Variants in NPFFR1 observed in about 807,000 individuals in gnomAD.
NPFFR1 encodes neuropeptide FF receptor 1.
NPFFR1 carries 17 observed loss-of-function variants against 12.7 expected under a neutral mutation model. That is an observed-to-expected ratio of 1.34 (90% CI 0.92 to 2.01). The LOEUF (loss-of-function observed/expected upper bound fraction) is 2.01, where lower values mean the gene tolerates loss of function less well. NPFFR1 is among the 30% of genes most tolerant of loss of function. The probability of loss-of-function intolerance (pLI) is 0.00; values close to 1 mark genes in which losing one functional copy is unlikely to be tolerated. For missense variants in NPFFR1, 604 were observed against 606.5 expected, an observed-to-expected ratio of 1.00 and a Z score of 0.04; for synonymous variants, 296 against 264.5, an observed-to-expected ratio of 1.12 and a Z score of -1.16.
Position 70,248,467 on chromosome 10 carries a change from G to GTTTTTTGT in NPFFR1, c.*6489_*6490insACAAAAAA, listed in dbSNP as rs1840473486. The GTTTTTTGT allele has an allele frequency of 1.0e-5, 1 of 96,742 alleles. No individual in the cohort carries two copies. The highest frequency in any genetic ancestry group is 4.0e-5 in the African/African-American group (1 of 24,706). The allele number at this position is 96,742 out of a possible 1,614,324, so 6.0% of individuals were successfully genotyped here. A position where few individuals can be genotyped will look rare whatever the true frequency, so the allele number is the denominator to read the frequency against. On this transcript the variant is annotated 3_prime_UTR_variant, in exon 4 of 4. Coordinates refer to ENST00000277942, the MANE Select transcript of NPFFR1 (RefSeq NM_022146.5). ...CAAAGTACGTAGTACTATGCCTGGC[G>GTTTTTTGT]TTTTTTTTTTGTTTTTTGTTTTTTT...
At chr10:70,275,927 G>A (rs1008955274) in intron 1 of NPFFR1, among the ~76,000 whole-genome samples, 13 of 152,146 alleles carry the variant, frequency 8.5e-5, no homozygotes, top group Admixed American at 8.5e-4. Flanking sequence ...TGCAGTAGTG[G>A]TAGACCTCCA....
At position 70,251,945 on chromosome 10, in the gene NPFFR1, G is replaced by A. The variant is rs1409030940; in HGVS notation, c.*3012C>T. 6.6e-6 allele frequency: 1 copy of A among 152,222 alleles called. No homozygotes were observed. Among genetic ancestry groups the A allele is most frequent in the Non-Finnish European group, 1.5e-5 (1 of 68,048 alleles). The allele number at this position is 152,222 out of a possible 1,614,324, so 9.4% of individuals were successfully genotyped here. Reference sequence around the variant, plus strand: ...GCAGCTGGGGTGGGCACAGGGAAGTGAGACACATCACAGCTGTCCTGGAAG... The same window carrying A: ...GCAGCTGGGGTGGGCACAGGGAAGTAAGACACATCACAGCTGTCCTGGAAG... On this transcript the variant is annotated 3_prime_UTR_variant, in exon 4 of 4. Coordinates refer to ENST00000277942, the MANE Select transcript of NPFFR1 (RefSeq NM_022146.5).
chr10:70,281,439 A>T (rs905420846), intron 1 of NPFFR1, among the ~76,000 whole-genome samples: 21 of 150,396 alleles, frequency 1.4e-4, no homozygotes, highest in African/African-American at 4.9e-4. Flanking sequence ...TCTTCATCTC[A>T]CTCTCCTCAT....
intron 1 of NPFFR1, among the ~76,000 whole-genome samples, chr10:70,283,327 CTA>C (rs1487045189): frequency 1.3e-5 from 2 of 151,668 alleles, no homozygotes; most frequent in Non-Finnish European, 2.9e-5. Flanking sequence ...GTGTCTGTCT[CTA>C]TGTCTCTGTC....
chr10:70,251,691 C>G lies in NPFFR1; in HGVS notation c.*3266G>C, dbSNP rs1840513461. On this transcript the variant is annotated 3_prime_UTR_variant, in exon 4 of 4. Coordinates refer to ENST00000277942, the MANE Select transcript of NPFFR1 (RefSeq NM_022146.5). ...TGAAAGGGCAGTCACCTTAGGAAAC[C>G]CAGCCAACCTGGAGGTGGAGGATGG... 1 of 152,252 alleles carries G rather than the reference C, an allele frequency of 6.6e-6. No homozygotes were observed. Among genetic ancestry groups the G allele is most frequent in the South Asian group, 2.1e-4 (1 of 4,828 alleles). 9.4% of individuals were successfully genotyped at this position (152,252 alleles called of 1,614,324 possible). A position where few individuals can be genotyped will look rare whatever the true frequency, so the allele number is the denominator to read the frequency against.
In NPFFR1 at chr10:70,254,124, C is replaced by T. The variant is rs41348750; in HGVS notation, c.*833G>A. ...TCCCCTTCCTCGTTGTCTATGAGTA[C>T]GTAAAAGGACACCTCCTGTGGCCCT... On this transcript the variant is annotated 3_prime_UTR_variant, in exon 4 of 4. Transcript: ENST00000277942. 0.065 allele frequency: 9,961 copies of T among 152,220 alleles called. 550 individuals carry two copies. The highest frequency in any genetic ancestry group is 0.16 in the African/African-American group (6,503 of 41,480). 9.4% of individuals were successfully genotyped at this position (152,220 alleles called of 1,614,324 possible). A position where few individuals can be genotyped will look rare whatever the true frequency, so the allele number is the denominator to read the frequency against.
rs373079902 is a variant in NPFFR1, at chr10:70,267,815, G to T, written c.8-1424C>A. 2.6e-5 allele frequency among the ~76,000 whole-genome samples: 4 copies of T among 152,290 alleles called. No homozygotes were observed. The South Asian group carries it at 8.3e-4, about 32-fold the overall frequency. On this transcript the variant is annotated intron_variant, in intron 1 of 3. Transcript: ENST00000277942. ...GGTTAGAGACCCTCAGAGGAGCAGG[G>T]CCAGCGAGCTGGCATCATCAGGGCT...
intron 1 of NPFFR1, among the ~76,000 whole-genome samples, chr10:70,281,729 A>G (rs755262897): frequency 5.9e-5 from 9 of 152,212 alleles, no homozygotes; most frequent in Non-Finnish European, 1.2e-4. Flanking sequence ...TCCTAAGCAC[A>G]GTTTTTAATG....
intron 3 of NPFFR1, among the ~76,000 whole-genome samples, chr10:70,258,443 C>T (rs1323658431): frequency 1.3e-5 from 2 of 152,284 alleles, no homozygotes; most frequent in African/African-American, 4.8e-5. Context: ...GGGCAGATGC[C>T]TTGACTTTTC....
chr10:70,269,274 G>A (rs536961753), intron 1 of NPFFR1, among the ~76,000 whole-genome samples: 2 of 150,170 alleles, frequency 1.3e-5, no homozygotes, highest in Non-Finnish European at 3.0e-5. Context: ...CTCCCGCCTC[G>A]GCCTCCTGAG....
At chr10:70,283,327 C>T (rs902872264) in intron 1 of NPFFR1, among the ~76,000 whole-genome samples, 1 of 151,668 alleles carries the variant, frequency 6.6e-6, no homozygotes, top group African/African-American at 2.4e-5. Flanking sequence ...GTGTCTGTCT[C>T]TATGTCTCTG....
At chr10:70,275,591 T>C (rs1430343251) in intron 1 of NPFFR1, among the ~76,000 whole-genome samples, 1 of 152,162 alleles carries the variant, frequency 6.6e-6, no homozygotes, top group Non-Finnish European at 1.5e-5. Context: ...TAGAGATTTT[T>C]TTTTTCTTTT....
chr10:70,255,061 C>T lies in NPFFR1; in HGVS notation c.1189G>A (p.Gly397Ser). ...CGCCCATTCCGCAGCGGGAGGCGGC[C>T]GGGCCTGGGGGCCCCACTGCTAGGG... ...SGPSSGAPRP[G>S]RLPLRNGRVA... is the part of the protein sequence containing the mutation. Residue 397 changes from glycine (G) to serine (S), a missense_variant, in exon 4 of 4, where the codon GGC (glycine) becomes AGC (serine). By Grantham distance (56) the Gly-to-Ser change is moderately conservative. Coordinates refer to ENST00000277942, the MANE Select transcript of NPFFR1 (RefSeq NM_022146.5). The surrounding 1 kb of genome is among the most constrained non-coding windows in gnomAD (Gnocchi z 4.2). The T allele has an allele frequency of 1.4e-6, 2 of 1,437,458 alleles. No homozygotes were observed. Among genetic ancestry groups the T allele is most frequent in the Non-Finnish European group, 1.8e-6 (2 of 1,102,616 alleles). The allele number at this position is 1,437,458 out of a possible 1,614,324, so 89.0% of individuals were successfully genotyped here.
chr10:70,262,205 TACTC>T (rs997589508), intron 2 of NPFFR1, among the ~76,000 whole-genome samples: 5 of 152,202 alleles, frequency 3.3e-5, no homozygotes, highest in African/African-American at 1.2e-4. Flanking sequence ...ATGAATCACT[TACTC>T]AAGATAAATA....
intron 2 of NPFFR1, among the ~76,000 whole-genome samples, chr10:70,262,880 A>C (rs190258963): frequency 1.2e-3 from 180 of 152,326 alleles, no homozygotes; most frequent in Non-Finnish European, 2.0e-3. Context: ...GCTTCTAAAT[A>C]CTATTCTCAG....
chr10:70,267,617 T>G (rs1283822094), intron 1 of NPFFR1, among the ~76,000 whole-genome samples: 1 of 152,198 alleles, frequency 6.6e-6, no homozygotes, highest in East Asian at 1.9e-4. Flanking sequence ...GAAGGCTCAG[T>G]GTCCAACCAC....
chr10:70,280,304 T>C (rs923946241), intron 1 of NPFFR1, among the ~76,000 whole-genome samples: 9 of 152,234 alleles, frequency 5.9e-5, no homozygotes, highest in African/African-American at 9.6e-5. Flanking sequence ...ACCTCCATAC[T>C]ATTCTCCATA....
At chr10:70,272,854 A>G (rs1840764076) in intron 1 of NPFFR1, among the ~76,000 whole-genome samples, 3 of 152,190 alleles carry the variant, frequency 2.0e-5, no homozygotes, top group Admixed American at 6.5e-5. Context: ...TCAGGATGAG[A>G]GGGAAAGTAT....
chr10:70,266,461 G>A lies in NPFFR1; in HGVS notation c.8-70C>T, dbSNP rs1840692617. Reference sequence around the variant, plus strand: ...AGATTACCGATTTCTCACCACTAATGAGACCCTCTGTGTGCCAAACCTTAA... The same window carrying A: ...AGATTACCGATTTCTCACCACTAATAAGACCCTCTGTGTGCCAAACCTTAA... On this transcript the variant is annotated intron_variant, in intron 1 of 3. Transcript: ENST00000277942. 3.1e-6 allele frequency: 4 copies of A among 1,270,918 alleles called. No homozygotes were observed. The South Asian group carries it at 5.9e-5, about 19-fold the overall frequency. 78.7% of individuals were successfully genotyped at this position (1,270,918 alleles called of 1,614,324 possible). A position where few individuals can be genotyped will look rare whatever the true frequency, so the allele number is the denominator to read the frequency against.
Sources: allele counts gnomAD v4.1 joint callset (sites outside exome capture counted in the v4.1 genomes callset), GRCh38; gene constraint gnomAD v4.1.1; non-coding constraint Gnocchi (gnomAD v3.1); transcripts MANE v1.5; gene names NCBI Gene and HGNC (gene_info 2026-07-23, HGNC 2026-07-21).